Variants in CLVS1 observed in about 807,000 individuals in gnomAD.
The protein encoded by CLVS1 is clavesin-1.
A neutral mutation model predicts 33.1 loss-of-function variants in CLVS1; 10 were observed. That is an observed-to-expected ratio of 0.30 (90% CI 0.19 to 0.51). The LOEUF is 0.51. Ranked by LOEUF, CLVS1 falls within the 20% of genes least tolerant of loss-of-function variation. The pLI, the probability that CLVS1 is intolerant of heterozygous loss-of-function variation, is 0.97. For missense variants in CLVS1, 343 were observed against 433.4 expected, an observed-to-expected ratio of 0.79 and a Z score of 1.85; for synonymous variants, 163 against 166.1, an observed-to-expected ratio of 0.98 and a Z score of 0.14.
intron 2 of CLVS1, among the ~76,000 whole-genome samples, chr8:61,134,691 ACACT>A (rs1236903569): frequency 6.6e-6 from 1 of 152,132 alleles, no homozygotes; most frequent in Non-Finnish European, 1.5e-5. Flanking sequence ...AGTGATTCTG[ACACT>A]CACTCTTCTG....
chr8:61,493,677 T>G (rs931848825), intron 5 of CLVS1, among the ~76,000 whole-genome samples: 3 of 152,228 alleles, frequency 2.0e-5, no homozygotes, highest in African/African-American at 7.2e-5. Context: ...GAAGACACCT[T>G]TATAAAAACT....
At chr8:61,110,622 TG>T (rs1805609208) in intron 1 of CLVS1, among the ~76,000 whole-genome samples, 1 of 152,248 alleles carries the variant, frequency 6.6e-6, no homozygotes, top group South Asian at 2.1e-4. Flanking sequence ...CACACTGTTG[TG>T]CAACCAAAGT....
chr8:61,410,838 C>T (rs978961485), intron 3 of CLVS1, among the ~76,000 whole-genome samples: 32 of 152,120 alleles, frequency 2.1e-4, no homozygotes, highest in African/African-American at 7.5e-4. Context: ...GAGGGGATTT[C>T]ACCATGTTGG....
chr8:60,968,875 C>A, the CLVS1 span, among the ~76,000 whole-genome samples: 1 of 151,208 alleles, frequency 6.6e-6, no homozygotes, highest in Non-Finnish European at 1.5e-5. Context: ...GGTAATAGGA[C>A]AAGACCCTGT....
At chr8:61,278,832 T>C (rs1399255825) in intron 2 of CLVS1, among the ~76,000 whole-genome samples, 1 of 152,176 alleles carries the variant, frequency 6.6e-6, no homozygotes, top group Non-Finnish European at 1.5e-5. Context: ...CCTTGGGACA[T>C]GAGGATAGTT....
At chr8:61,492,021 A>G (rs1435331739) in intron 5 of CLVS1, among the ~76,000 whole-genome samples, 5 of 152,210 alleles carry the variant, frequency 3.3e-5, no homozygotes, top group Non-Finnish European at 7.3e-5. Flanking sequence ...GAAAGGGTTT[A>G]GAACAGCGAG....
chr8:61,181,697 C>CT (rs369025438), intron 2 of CLVS1, among the ~76,000 whole-genome samples: 6,649 of 102,872 alleles, frequency 0.065, 514 homozygotes, highest in African/African-American at 0.14. Context: ...ACCATCTGAT[C>CT]TTTTTTTTTT....
chr8:61,249,766 G>A (rs185766455), intron 2 of CLVS1, among the ~76,000 whole-genome samples: 52 of 152,120 alleles, frequency 3.4e-4, no homozygotes, highest in African/African-American at 1.0e-3. Flanking sequence ...TGATGGGGTT[G>A]TTTTTTTCCT....
intron 5 of CLVS1, among the ~76,000 whole-genome samples, chr8:61,487,766 A>G (rs1054011277): frequency 2.0e-5 from 3 of 152,248 alleles, no homozygotes; most frequent in African/African-American, 7.2e-5. Flanking sequence ...AAGAAGATCC[A>G]CTAATATACT....
At chr8:61,014,018 C>T in the CLVS1 span, among the ~76,000 whole-genome samples, 467 of 151,422 alleles carry the variant, frequency 3.1e-3, 2 homozygotes, top group African/African-American at 0.01. Flanking sequence ...TCTCCCAACA[C>T]GGTGCATATC....
the CLVS1 span, among the ~76,000 whole-genome samples, chr8:61,012,342 T>C: frequency 1.9e-4 from 29 of 152,360 alleles, no homozygotes; most frequent in African/African-American, 5.8e-4. Flanking sequence ...ATTTGCTATA[T>C]ACTGGGCACC....
the CLVS1 span, among the ~76,000 whole-genome samples, chr8:60,995,775 A>C: frequency 6.6e-5 from 10 of 152,386 alleles, no homozygotes; most frequent in East Asian, 1.9e-4. Context: ...ATGTCCAACA[A>C]TGATAGACTG....
chr8:61,416,424 C>T (rs1036148052), intron 3 of CLVS1, among the ~76,000 whole-genome samples: 42 of 152,148 alleles, frequency 2.8e-4, no homozygotes, highest in Admixed American at 2.3e-3. Context: ...TTGGTTCATC[C>T]CAAGAGGATC....
At chr8:61,096,278 C>T (rs552858103) in intron 1 of CLVS1, among the ~76,000 whole-genome samples, 1 of 152,334 alleles carries the variant, frequency 6.6e-6, no homozygotes, top group African/African-American at 2.4e-5. Context: ...AATGCTGCCA[C>T]CTACAGGAGA....
intron 3 of CLVS1, among the ~76,000 whole-genome samples, chr8:61,442,313 T>G (rs1004449241): frequency 6.6e-6 from 1 of 152,246 alleles, no homozygotes; most frequent in Non-Finnish European, 1.5e-5. Context: ...TTCCATGGTC[T>G]GGCTGTACCA....
intron 1 of CLVS1, among the ~76,000 whole-genome samples, chr8:61,290,958 T>C (rs1422222350): frequency 6.6e-6 from 1 of 152,228 alleles, no homozygotes; most frequent in Non-Finnish European, 1.5e-5. Flanking sequence ...CTGCAACCTC[T>C]AACTGATGTA....
At chr8:61,128,491 G>A (rs1037763122) in intron 1 of CLVS1, among the ~76,000 whole-genome samples, 22 of 152,060 alleles carry the variant, frequency 1.4e-4, no homozygotes, top group Non-Finnish European at 2.9e-4. Context: ...TCTAACAATC[G>A]TTTTATCTTA....
chr8:61,287,997 TG>T lies in CLVS1; in HGVS notation c.-291del, dbSNP rs1809831076. 3.8e-5 allele frequency: 16 copies of T among 416,006 alleles called. No individual in the cohort carries two copies. Among genetic ancestry groups the T allele is most frequent in the South Asian group, 2.9e-4 (16 of 55,860 alleles). The allele number at this position is 416,006 out of a possible 1,614,324, so 25.8% of individuals were successfully genotyped here. On this transcript the variant is annotated 5_prime_UTR_variant, in exon 1 of 6. Coordinates refer to ENST00000325897, the MANE Select transcript of CLVS1 (RefSeq NM_173519.3). ...CTCCTACCAAAATCACAGCCCCTTG[TG>T]GAGCCCGAGCTCTCATTCACAGCTT... is the stretch of plus-strand genomic sequence containing the variant.
chr8:61,074,329 C>A (rs1251356446), intron 1 of CLVS1, among the ~76,000 whole-genome samples: 4 of 146,734 alleles, frequency 2.7e-5, no homozygotes, highest in Non-Finnish European at 4.5e-5. Context: ...CAGAGCGAGA[C>A]CCTGTCTCAA....
Sources: gnomAD v4.1 joint callset for allele counts (sites outside exome capture counted in the v4.1 genomes callset) on GRCh38, gnomAD v4.1.1 for gene constraint, MANE v1.5 for transcripts, NCBI Gene and HGNC (gene_info 2026-07-23, HGNC 2026-07-21) for gene names.